The following MECOM variants were observed in gnomAD, a reference collection of about 807,000 sequenced individuals.
MECOM encodes MDS1 and EVI1 complex locus.
In MECOM, 13 loss-of-function variants were observed where a neutral mutation model predicts 116.3. That is an observed-to-expected ratio of 0.11 (90% CI 0.07 to 0.18). The LOEUF (loss-of-function observed/expected upper bound fraction) is 0.18. Ranked by LOEUF, MECOM falls within the 10% of genes least tolerant of loss-of-function variation. MECOM has a pLI of 1.00. For missense variants in MECOM, 1,299 were observed against 1,509.0 expected, an observed-to-expected ratio of 0.86 and a Z score of 2.31; for synonymous variants, 528 against 535.2, an observed-to-expected ratio of 0.99 and a Z score of 0.19.
At chr3:169,101,974 G>T in intron 11 of MECOM, 86 bp downstream of exon 11, 2 of 1,327,468 alleles carry the variant, frequency 1.5e-6, no homozygotes, top group South Asian at 1.6e-5. Flanking sequence ...ATCTAATCAG[G>T]AATAATTTCC....
At chr3:169,515,891 T>C (rs1560380117) in intron 1 of MECOM, among the ~76,000 whole-genome samples, 1 of 152,090 alleles carries the variant, frequency 6.6e-6, no homozygotes, top group African/African-American at 2.4e-5. Context: ...GTTCAAAGCA[T>C]TTTTCAAATA....
At chr3:169,645,111 CCAA>C in intron 1 of MECOM, among the ~76,000 whole-genome samples, 1 of 152,210 alleles carries the variant, frequency 6.6e-6, no homozygotes, top group Middle Eastern at 3.4e-3. Flanking sequence ...CCTAGGCTGT[CCAA>C]CAACAACAAA....
At chr3:169,364,650 A>AC (rs1728856366) in intron 2 of MECOM, among the ~76,000 whole-genome samples, 1 of 152,046 alleles carries the variant, frequency 6.6e-6, no homozygotes, top group Admixed American at 6.6e-5. Flanking sequence ...ATCCCAAGTG[A>AC]CAAAGTACCA....
intron 1 of MECOM, among the ~76,000 whole-genome samples, chr3:169,451,361 A>G (rs1203250896): frequency 6.6e-6 from 1 of 152,228 alleles, no homozygotes; most frequent in Non-Finnish European, 1.5e-5. Flanking sequence ...CTCTACTTGT[A>G]AAAATGAATA....
At chr3:169,147,600 C>G (rs1483066033) in intron 2 of MECOM, 1 of 985,276 alleles carries the variant, frequency 1.0e-6, no homozygotes, top group Non-Finnish European at 1.2e-6. Flanking sequence ...GATGCACCAT[C>G]CCCCTTAAAC....
intron 1 of MECOM, among the ~76,000 whole-genome samples, chr3:169,447,449 A>G (rs1744837080): frequency 6.6e-6 from 1 of 152,090 alleles, no homozygotes; most frequent in African/African-American, 2.4e-5. Context: ...CCCACCAAGA[A>G]CTTTTCTGAC....
At chr3:169,149,116 A>G (rs1373312293) in intron 2 of MECOM, among the ~76,000 whole-genome samples, 3 of 143,300 alleles carry the variant, frequency 2.1e-5, no homozygotes, top group African/African-American at 8.0e-5. Flanking sequence ...CATAAATTGG[A>G]CCGGCTCGAG....
At chr3:169,444,647 T>A (rs920555658) in intron 1 of MECOM, among the ~76,000 whole-genome samples, 2 of 152,066 alleles carry the variant, frequency 1.3e-5, no homozygotes, top group Non-Finnish European at 2.9e-5. Context: ...TGAAAACAAG[T>A]AAATTGGTAC....
chr3:169,358,971 A>G (rs964653245), intron 2 of MECOM, among the ~76,000 whole-genome samples: 10 of 151,642 alleles, frequency 6.6e-5, no homozygotes, highest in East Asian at 3.9e-4. Flanking sequence ...TTTTTCATCT[A>G]TTTTTCTCAA....
intron 1 of MECOM, among the ~76,000 whole-genome samples, chr3:169,460,880 T>C (rs1376744013): frequency 6.6e-6 from 1 of 152,154 alleles, no homozygotes; most frequent in Admixed American, 6.5e-5. Flanking sequence ...GGGGAACCAA[T>C]TAATTTACGG....
intron 1 of MECOM, among the ~76,000 whole-genome samples, chr3:169,422,898 GAAAAT>G (rs2108513488): frequency 6.6e-6 from 1 of 152,110 alleles, no homozygotes; most frequent in Admixed American, 6.6e-5. Context: ...TGTGGAGCTT[GAAAAT>G]AAGAGACATG....
At position 169,463,194 on chromosome 3, in the gene MECOM, G is replaced by A. The variant is rs187127911; in HGVS notation, c.38-81670C>T. 3.0e-4 allele frequency among the ~76,000 whole-genome samples: 46 copies of A among 152,082 alleles called. No homozygotes were observed. The South Asian group carries it at 6.7e-3, about 22-fold the overall frequency. On this transcript the variant is annotated intron_variant, in intron 1 of 16. Transcript: ENST00000651503. ...AAATGGACTCCCTTTCCCAGGCACC[G>A]GGCATTAAAAAAGAAACCACCCCAC...
intron 1 of MECOM, among the ~76,000 whole-genome samples, chr3:169,558,259 G>T (rs1295316196): frequency 1.3e-5 from 2 of 152,106 alleles, no homozygotes; most frequent in Non-Finnish European, 1.5e-5. Context: ...TTATTATTTT[G>T]CAGAGTCGAG....
chr3:169,174,222 T>A (rs1319638115), intron 2 of MECOM, among the ~76,000 whole-genome samples: 1 of 152,222 alleles, frequency 6.6e-6, no homozygotes, highest in East Asian at 1.9e-4. Context: ...ATTTTGCCAG[T>A]AAACTCTAGT....
chr3:169,184,804 A>G (rs1746487465), intron 2 of MECOM, among the ~76,000 whole-genome samples: 1 of 152,238 alleles, frequency 6.6e-6, no homozygotes, highest in South Asian at 2.1e-4. Flanking sequence ...AAAGGAGACC[A>G]TTTAGAATAC....
In MECOM at chr3:169,514,905, T is replaced by A. The variant is rs1006201598; in HGVS notation, c.38-133381A>T. Among the ~76,000 whole-genome samples, 3 of 152,170 alleles carry A rather than the reference T, an allele frequency of 2.0e-5. No homozygotes were observed. In the East Asian group the frequency reaches 5.8e-4, roughly 29 times the overall value. ...TATACAATTCAACTCAGAAAGTAAA[T>A]AGAAATAAGCAAGATAATTTTCTGC... On this transcript the variant is annotated intron_variant, in intron 1 of 16. Transcript: ENST00000651503.
In MECOM at chr3:169,090,256, A is replaced by T. The variant is rs756805428; in HGVS notation, c.3165-20T>A. 2 of 1,579,266 alleles carry T rather than the reference A, an allele frequency of 1.3e-6. No homozygotes were observed. The highest frequency in any genetic ancestry group is 1.7e-6 in the Non-Finnish European group (2 of 1,168,646). On this transcript the variant is annotated intron_variant, in intron 14 of 16. Transcript: ENST00000651503. ...TTCATTCTTTCAAAAGCATTAAAAA[A>T]AAAGTCCAATTGTTGGTTTCATTTT...
chr3:169,158,624 G>C (rs1045730037), intron 2 of MECOM, among the ~76,000 whole-genome samples: 3 of 152,110 alleles, frequency 2.0e-5, no homozygotes, highest in Non-Finnish European at 4.4e-5. Context: ...CACTTCCTCT[G>C]GTGCTCGGCC....
intron 2 of MECOM, among the ~76,000 whole-genome samples, chr3:169,285,330 A>C (rs1288660007): frequency 6.6e-6 from 1 of 152,168 alleles, no homozygotes; most frequent in Non-Finnish European, 1.5e-5. Context: ...ATTATTTCTC[A>C]GAGCCCTAAT....
Sources: gnomAD v4.1 joint callset for allele counts (sites outside exome capture counted in the v4.1 genomes callset) on GRCh38, gnomAD v4.1.1 for gene constraint, MANE v1.5 for transcripts, NCBI Gene and HGNC (gene_info 2026-07-23, HGNC 2026-07-21) for gene names.